Variants in ACAA1 observed in about 807,000 individuals in gnomAD.
ACAA1 encodes the protein acetyl-CoA acyltransferase 1, also known as 3-ketoacyl-CoA thiolase, peroxisomal.
Under a neutral mutation model 48.8 loss-of-function variants are expected in ACAA1, and 44 were observed. The ratio of observed to expected loss-of-function variants is 0.90; its 90% confidence interval spans 0.71 to 1.16. The LOEUF (loss-of-function observed/expected upper bound fraction) is 1.16. ACAA1 is among the 50% of genes most tolerant of loss of function. ACAA1 has a pLI of 0.00. For missense variants in ACAA1, 512 were observed against 562.3 expected, an observed-to-expected ratio of 0.91 and a Z score of 0.90; for synonymous variants, 233 against 226.5, an observed-to-expected ratio of 1.03 and a Z score of -0.26.
At position 38,132,036 on chromosome 3, in the gene ACAA1, C is replaced by T. The variant is rs767214055; in HGVS notation, c.324-31G>A. On this transcript the variant is annotated intron_variant, in intron 3 of 11. Coordinates refer to ENST00000333167, the MANE Select transcript of ACAA1 (RefSeq NM_001607.4). Reference sequence around the variant, plus strand: ...ACAGAAGGTGAGAAAGTAGAATCAGCCCCCAATTCCATGCCAGGCTCTCAT... The same window carrying T: ...ACAGAAGGTGAGAAAGTAGAATCAGTCCCCAATTCCATGCCAGGCTCTCAT... 1.9e-6 allele frequency: 3 copies of T among 1,581,394 alleles called. No homozygotes were observed. The South Asian group carries it at 3.3e-5, about 18-fold the overall frequency.
chr3:38,125,647 C>T lies in ACAA1; in HGVS notation c.1117G>A (p.Val373Met). Residue 373 changes from valine (V) to methionine (M), a missense_variant, in exon 11 of 12, where the codon GTG becomes ATG. Coordinates refer to ENST00000333167, the MANE Select transcript of ACAA1 (RefSeq NM_001607.4). ...PEKVNPLGGAVALGHPLGCTG... is the reference protein window; with the variant it reads ...PEKVNPLGGAMALGHPLGCTG... ...CAGCCCAGTGGGTGCCCTAAGGCCA[C>T]TGCACCCCCCAGGGGGTTCACCTTC... The T allele has an allele frequency of 6.3e-7, 1 of 1,599,008 alleles. No homozygotes were observed. The highest frequency in any genetic ancestry group is 1.3e-5 in the African/African-American group (1 of 74,664).
rs372185534 is a variant in ACAA1 at position 38,129,584 on chromosome 3, G to C, written c.447-196C>G. ...GAGTACTGAGCCCTGTCTCTATTTC[G>C]ACCCCCACCCCAGGACAGAGCACTG... On this transcript the variant is annotated intron_variant, in intron 5 of 11. Transcript: ENST00000333167. The surrounding 1 kb of genome is among the most constrained non-coding windows in gnomAD (Gnocchi z 5.3). 6.6e-6 allele frequency among the ~76,000 whole-genome samples: 1 copy of C among 152,170 alleles called. No homozygotes were observed. The highest frequency in any genetic ancestry group is 6.5e-5 in the Admixed American group (1 of 15,284).
chr3:38,132,812 G>C (rs114319069), intron 3 of ACAA1, among the ~76,000 whole-genome samples: 2 of 152,142 alleles, frequency 1.3e-5, no homozygotes, highest in African/African-American at 2.4e-5. Context: ...CTCTCAGGGG[G>C]ATAGCCTCCT....
In ACAA1 at chr3:38,125,589, T is replaced by A. The variant is rs117916664; in HGVS notation, c.1175A>T (p.Asn392Ile). 2.5e-6 allele frequency: 4 copies of A among 1,577,960 alleles called. No homozygotes were observed. The East Asian group carries it at 6.7e-5, about 27-fold the overall frequency. Residue 392 changes from asparagine to isoleucine, a missense_variant, in exon 11 of 12, where the codon AAT (asparagine) becomes ATT (isoleucine). By Grantham distance (149) the Asn-to-Ile change is moderately radical (BLOSUM62 -3). Transcript: ENST00000333167. ...TGARQVITLL[N>I]ELKRRGKRAY... ...CCTCTTCCCACGGCGCTTCAGCTCA[T>A]TGAGCAGCGTGATGACCTGTCGTGC... is the stretch of plus-strand genomic sequence containing the variant.
At chr3:38,128,451 T>C (rs1232985582) in intron 6 of ACAA1, among the ~76,000 whole-genome samples, 1 of 152,166 alleles carries the variant, frequency 6.6e-6, no homozygotes, top group African/African-American at 2.4e-5. Context: ...ATACAGTATG[T>C]GAAAGAAGCC....
chr3:38,134,632 T>C (rs1559479779), intron 2 of ACAA1: 1 of 429,992 alleles, frequency 2.3e-6, no homozygotes, highest in Non-Finnish European at 4.7e-6. Flanking sequence ...CACAAAAACA[T>C]GTGCTATATT....
chr3:38,127,974 G>T, intron 6 of ACAA1, 108 bp from the exon 7 acceptor site: 1 of 1,078,458 alleles, frequency 9.3e-7, no homozygotes, highest in Non-Finnish European at 1.4e-6. Context: ...CTGTAGGCAG[G>T]ACAGGATGTA....
In ACAA1 at chr3:38,125,589, T is replaced by TTGAGCAGCGTGA. The variant is rs753623500; in HGVS notation, c.1163_1174dup (p.Ile388_Leu391dup). 17 of 1,577,960 alleles carry TTGAGCAGCGTGA rather than the reference T, an allele frequency of 1.1e-5. No individual in the cohort carries two copies. The East Asian group carries it at 3.6e-4, about 33-fold the overall frequency. On this transcript the variant is annotated inframe_insertion, in exon 11 of 12. Coordinates refer to ENST00000333167, the MANE Select transcript of ACAA1 (RefSeq NM_001607.4). ...CCTCTTCCCACGGCGCTTCAGCTCA[T>TTGAGCAGCGTGA]TGAGCAGCGTGATGACCTGTCGTGC...
Position 38,125,707 on chromosome 3 carries a change from C to A in ACAA1, c.1057G>T (p.Ala353Ser). Residue 353 changes from alanine (A) to serine (S), a missense_variant, in exon 11 of 12, where the codon GCC (alanine) becomes TCC (serine). Physicochemically the swap from Ala to Ser is moderately conservative, Grantham distance 99. Transcript: ENST00000333167. Reference sequence around the variant, plus strand: ...AGTCGTAGCTTCTCCACACAGTAGGCAGCCTGGAAGGAGGCAGATCATCAC... The same window carrying A: ...AGTCGTAGCTTCTCCACACAGTAGGAAGCCTGGAAGGAGGCAGATCATCAC... ...EINEAFASQAAYCVEKLRLPP... is the reference protein window; with the variant it reads ...EINEAFASQASYCVEKLRLPP... 6.2e-7 allele frequency: 1 copy of A among 1,607,424 alleles called. No homozygotes were observed. The highest frequency in any genetic ancestry group is 1.1e-5 in the South Asian group (1 of 90,116).
Position 38,122,974 on chromosome 3 carries a change from C to T in ACAA1, c.*73G>A. ...TGCTGAGTTTTCCCATGTGGTTTTG[C>T]TTTTGTGGTGTTACTGCCTTGCTGC... is the stretch of plus-strand genomic sequence containing the variant. On this transcript the variant is annotated 3_prime_UTR_variant, in exon 12 of 12. Coordinates refer to ENST00000333167, the MANE Select transcript of ACAA1 (RefSeq NM_001607.4). 6.6e-7 allele frequency: 1 copy of T among 1,519,918 alleles called. No homozygotes were observed. The highest frequency in any genetic ancestry group is 9.1e-7 in the Non-Finnish European group (1 of 1,098,918). The allele number at this position is 1,519,918 out of a possible 1,614,324, so 94.2% of individuals were successfully genotyped here. A position where few individuals can be genotyped will look rare whatever the true frequency, so the allele number is the denominator to read the frequency against.
Position 38,129,402 on chromosome 3 carries a change from AGAG to A in ACAA1, c.447-17_447-15del. 6.2e-7 allele frequency: 1 copy of A among 1,603,472 alleles called. No homozygotes were observed. The highest frequency in any genetic ancestry group is 8.5e-7 in the Non-Finnish European group (1 of 1,170,540). ...ATGGACTCCACCCTGGGGAGGAGGA[AGAG>A]GAGGAGAAGGTAAGGTGAACTGGGC... On this transcript the variant is annotated splice_polypyrimidine_tract_variant and intron_variant, in intron 5 of 11. Transcript: ENST00000333167. This position sits in a 1 kb window ranked among gnomAD's most constrained non-coding sequence, Gnocchi z 5.3.
chr3:38,131,878 C>A, intron 4 of ACAA1, 48 bp downstream of exon 4: 1 of 1,560,126 alleles, frequency 6.4e-7, no homozygotes, highest in Non-Finnish European at 8.8e-7. Context: ...CTTTGCTGAC[C>A]CAAACCCACA....
intron 11 of ACAA1, chr3:38,124,562 G>C (rs1700634361): frequency 6.6e-6 from 1 of 152,166 alleles, no homozygotes; most frequent in Non-Finnish European, 1.5e-5. Context: ...AGCCAAGATG[G>C]AGCCACTCCA....
Position 38,131,364 on chromosome 3 carries a change from TA to T in ACAA1, c.446+231del, listed in dbSNP as rs201149663. 4.8e-3 allele frequency among the ~76,000 whole-genome samples: 724 copies of T among 152,252 alleles called. 20 individuals carry two copies. Among genetic ancestry groups the T allele is most frequent in the Admixed American group, 0.043 (660 of 15,288 alleles). On this transcript the variant is annotated intron_variant, in intron 5 of 11. Transcript: ENST00000333167. ...CCAGCCTGAAAGATTTCCAAGAAAGTAAGCTTTTAGAGGCCAATTCCCCTCC... is the reference window on the plus strand; with the variant it reads ...CCAGCCTGAAAGATTTCCAAGAAAGTAGCTTTTAGAGGCCAATTCCCCTCC...
chr3:38,135,006 G>A (rs1700862368), intron 2 of ACAA1, among the ~76,000 whole-genome samples: 1 of 152,166 alleles, frequency 6.6e-6, no homozygotes, highest in South Asian at 2.1e-4. Flanking sequence ...TCTATTTACT[G>A]AGATAGGAGA....
At position 38,136,944 on chromosome 3, in the gene ACAA1, G is replaced by A; in HGVS notation, c.92C>T (p.Pro31Leu). The change falls in exon 1 of 12, where the codon CCG (proline) becomes CTG (leucine). Residue 31 changes from proline (P) to leucine (L), a missense_variant. Coordinates refer to ENST00000333167, the MANE Select transcript of ACAA1 (RefSeq NM_001607.4). Reference sequence around the variant, plus strand: ...CACCACGTCCGCGGCCGAGGCCTGCGGGGCACCGCTCAGGCAAGGCGCGGC... The same window carrying A: ...CACCACGTCCGCGGCCGAGGCCTGCAGGGCACCGCTCAGGCAAGGCGCGGC... ...PQAAPCLSGA[P>L]QASAADVVVV... 2.6e-6 allele frequency: 4 copies of A among 1,544,788 alleles called. No individual in the cohort carries two copies. The highest frequency in any genetic ancestry group is 3.5e-6 in the Non-Finnish European group (4 of 1,147,288).
chr3:38,126,555 C>G lies in ACAA1; in HGVS notation c.772G>C (p.Ala258Pro). 6.2e-7 allele frequency: 1 copy of G among 1,614,220 alleles called. No individual in the cohort carries two copies. Among genetic ancestry groups the G allele is most frequent in the Non-Finnish European group, 8.5e-7 (1 of 1,180,034 alleles). Residue 258 changes from alanine to proline, a missense_variant, in exon 8 of 12, where the codon GCC becomes CCC. Transcript: ENST00000333167. This position sits in a 1 kb window ranked among gnomAD's most constrained non-coding sequence, Gnocchi z 4.7. ...IRPSTTMEGL[A>P]KLKPAFKKDG... ...TTCTTGAAGGCAGGCTTCAGTTTGGCCAGGCCCTCCATGGTGGTGCTGGGG... is the reference window on the plus strand; with the variant it reads ...TTCTTGAAGGCAGGCTTCAGTTTGGGCAGGCCCTCCATGGTGGTGCTGGGG...
At position 38,126,095 on chromosome 3, in the gene ACAA1, C is replaced by G. The variant is rs1700676028; in HGVS notation, c.997+67G>C. ...CACAGGACCACCCTCATGCCCCTGG[C>G]AACAGCATGCAGGGCAGCTGCAGGA... On this transcript the variant is annotated intron_variant, in intron 9 of 11. Transcript: ENST00000333167. The surrounding 1 kb of genome is among the most constrained non-coding windows in gnomAD (Gnocchi z 4.7). 10 of 1,564,720 alleles carry G rather than the reference C, an allele frequency of 6.4e-6. No homozygotes were observed. The South Asian group carries it at 1.1e-4, about 17-fold the overall frequency.
Position 38,126,250 on chromosome 3 carries a change from G to T in ACAA1, c.909C>A (p.Val303=). 6.2e-7 allele frequency: 1 copy of T among 1,614,142 alleles called. No individual in the cohort carries two copies. Among genetic ancestry groups the T allele is most frequent in the South Asian group, 1.1e-5 (1 of 91,082 alleles). The stretch of plus-strand genomic sequence containing the variant: ...CCCCAACCACTGCATAAGACCTCAG[G>T]ACCCCAAGGATGGGAAGGCCCAACT... ...AEELGLPILG[V]LRSYAVVGVP... The change falls in exon 9 of 12, where the codon GTC becomes GTA. Residue 303 remains valine, a synonymous_variant. Coordinates refer to ENST00000333167, the MANE Select transcript of ACAA1 (RefSeq NM_001607.4). This position sits in a 1 kb window ranked among gnomAD's most constrained non-coding sequence, Gnocchi z 4.7.
Sources: gnomAD v4.1 joint callset for allele counts (sites outside exome capture counted in the v4.1 genomes callset) on GRCh38, gnomAD v4.1.1 for gene constraint, Gnocchi (gnomAD v3.1) non-coding constraint, MANE v1.5 for transcripts, NCBI Gene and HGNC (gene_info 2026-07-23, HGNC 2026-07-21) for gene names.